Variants in ADAM18 observed in about 807,000 individuals in gnomAD.
ADAM18 encodes disintegrin and metalloproteinase domain-containing protein 18.
In ADAM18, 117 loss-of-function variants were observed where a neutral mutation model predicts 94.4. The observed-to-expected ratio is 1.24, with a 90% CI of 1.07 to 1.45. ADAM18 has a LOEUF of 1.45. Among genes scored for constraint, ADAM18 ranks in the 40% most tolerant of loss-of-function variants. The probability of loss-of-function intolerance (pLI) is 0.00; values close to 1 mark genes in which losing one functional copy is unlikely to be tolerated. For synonymous variants in ADAM18, 327 were observed against 291.6 expected (o/e 1.12, Z -1.24); for missense variants, 936 against 880.0 (o/e 1.06, Z -0.81).
intron 18 of ADAM18, among the ~76,000 whole-genome samples, chr8:39,711,121 A>C (rs762940058): frequency 6.6e-6 from 1 of 152,172 alleles, no homozygotes; most frequent in Non-Finnish European, 1.5e-5. Flanking sequence ...GTTTTCCAAA[A>C]AGTCACTGTC....
chr8:39,601,211 G>A (rs1327747233), intron 2 of ADAM18, among the ~76,000 whole-genome samples: 7 of 152,190 alleles, frequency 4.6e-5, no homozygotes, highest in Non-Finnish European at 8.8e-5. Context: ...TCCAACATTG[G>A]AGATTACAAT....
chr8:39,602,750 CT>C (rs1323695649), intron 2 of ADAM18, among the ~76,000 whole-genome samples: 1 of 141,664 alleles, frequency 7.1e-6, no homozygotes, highest in African/African-American at 3.1e-5. Context: ...CTGTCTATAG[CT>C]TTTTTTCATT....
chr8:39,651,818 A>G (rs1820547129), intron 12 of ADAM18, among the ~76,000 whole-genome samples: 1 of 152,180 alleles, frequency 6.6e-6, no homozygotes, highest in Non-Finnish European at 1.5e-5. Context: ...GAAAAGAGCA[A>G]AGTTGGAGGC....
chr8:39,636,042 G>GAGA (rs1563284736), intron 7 of ADAM18, among the ~76,000 whole-genome samples: 45 of 143,688 alleles, frequency 3.1e-4, no homozygotes, highest in African/African-American at 1.1e-3. Flanking sequence ...AGAGAGAGAG[G>GAGA]GGGCCTCACT....
chr8:39,723,669 A>C, intron 18 of ADAM18, 79 bp from the exon 19 acceptor site: 1 of 1,080,048 alleles, frequency 9.3e-7, no homozygotes, highest in Non-Finnish European at 1.2e-6. Flanking sequence ...ATATACACGT[A>C]TATGATTAAG....
At chr8:39,605,553 A>G (rs1204536256) in intron 2 of ADAM18, among the ~76,000 whole-genome samples, 1 of 152,052 alleles carries the variant, frequency 6.6e-6, no homozygotes, top group East Asian at 1.9e-4. Flanking sequence ...CTGGTTCGTT[A>G]TATTTTGTGT....
rs1819242103 is a variant in ADAM18 at position 39,610,562 on chromosome 8, A to G, written c.378A>G (p.Gly126=). Residue 126 remains glycine, a synonymous_variant, in exon 6 of 20, where the codon GGA becomes GGG. Transcript: ENST00000265707. ...GFLQFENISY[G]IEPVESSARF... is the part of the protein sequence containing the mutation. ...TCCAGTTTGAAAATATCAGTTATGG[A>G]ATTGAACCAGTAGAATCTTCAGCAA... The G allele has an allele frequency of 1.9e-6, 3 of 1,610,976 alleles. No homozygotes were observed. Among genetic ancestry groups the G allele is most frequent in the Non-Finnish European group, 2.5e-6 (3 of 1,178,196 alleles).
At chr8:39,662,367 T>C (rs1054105520) in intron 12 of ADAM18, among the ~76,000 whole-genome samples, 5 of 152,186 alleles carry the variant, frequency 3.3e-5, no homozygotes, top group African/African-American at 9.6e-5. Context: ...TTCTGCTCTA[T>C]ATTTTATATA....
chr8:39,604,957 A>G (rs1342419088), intron 2 of ADAM18, among the ~76,000 whole-genome samples: 1 of 152,008 alleles, frequency 6.6e-6, no homozygotes, highest in Non-Finnish European at 1.5e-5. Flanking sequence ...TGGAGTGGAG[A>G]TTGTGTCAGA....
intron 18 of ADAM18, among the ~76,000 whole-genome samples, chr8:39,717,440 C>G (rs2129581642): frequency 6.6e-6 from 1 of 151,708 alleles, no homozygotes; most frequent in African/African-American, 2.4e-5. Flanking sequence ...ATTTTTTATC[C>G]TGACATTTTG....
At chr8:39,615,673 A>G (rs1160509656) in intron 6 of ADAM18, among the ~76,000 whole-genome samples, 1 of 152,140 alleles carries the variant, frequency 6.6e-6, no homozygotes, top group Non-Finnish European at 1.5e-5. Flanking sequence ...GCCCACACTC[A>G]CCACTCCCAT....
chr8:39,594,795 T>G (rs1375192718), intron 2 of ADAM18, among the ~76,000 whole-genome samples: 7 of 11,650 alleles, frequency 6.0e-4, no homozygotes, highest in South Asian at 5.6e-3. Context: ...TGCTGTGAGT[T>G]TTTTTTTTTT....
intron 18 of ADAM18, among the ~76,000 whole-genome samples, chr8:39,709,410 A>T (rs1433658100): frequency 6.6e-6 from 1 of 152,152 alleles, no homozygotes; most frequent in Non-Finnish European, 1.5e-5. Context: ...TGGGGGTGGA[A>T]TAGGACCATG....
intron 16 of ADAM18, 119 bp downstream of exon 16, chr8:39,680,345 T>C (rs1306586555): frequency 1.0e-6 from 1 of 958,872 alleles, no homozygotes. Flanking sequence ...CTGGCATTTA[T>C]TTCCCATGTG....
chr8:39,677,310 A>G, intron 14 of ADAM18, 121 bp from the exon 15 acceptor site: 1 of 763,142 alleles, frequency 1.3e-6, no homozygotes, highest in East Asian at 2.9e-5. Flanking sequence ...GTATGCATAG[A>G]AACAAAAGCA....
chr8:39,595,667 G>A (rs1407009796), intron 2 of ADAM18, among the ~76,000 whole-genome samples: 2 of 151,854 alleles, frequency 1.3e-5, no homozygotes, highest in Non-Finnish European at 2.9e-5. Flanking sequence ...GATTAGAGGT[G>A]CACACCACCA....
At chr8:39,630,936 G>C (rs1262101717) in intron 7 of ADAM18, among the ~76,000 whole-genome samples, 1 of 151,954 alleles carries the variant, frequency 6.6e-6, no homozygotes, top group African/African-American at 2.4e-5. Flanking sequence ...TGGATATATA[G>C]TGATATCATA....
intron 12 of ADAM18, among the ~76,000 whole-genome samples, chr8:39,653,147 T>C (rs905637299): frequency 2.6e-5 from 4 of 151,954 alleles, no homozygotes; most frequent in Non-Finnish European, 5.9e-5. Context: ...AGAAAGTAGA[T>C]TTTAAGTGTT....
Position 39,584,684 on chromosome 8 carries a change from C to T in ADAM18, c.55+7C>T, listed in dbSNP as rs770932802. On this transcript the variant is annotated splice_region_variant and intron_variant, in intron 1 of 19. Transcript: ENST00000265707. ...AGACTGCAAGCCCACGAAGGTAAGT[C>T]CATGGGAGCCTCCCCTTTCTTCTTC... is the stretch of plus-strand genomic sequence containing the variant. 2 of 1,612,586 alleles carry T rather than the reference C, an allele frequency of 1.2e-6. No individual in the cohort carries two copies. The highest frequency in any genetic ancestry group is 4.5e-5 in the East Asian group (2 of 44,894).
Sources: allele counts gnomAD v4.1 joint callset (sites outside exome capture counted in the v4.1 genomes callset), GRCh38; gene constraint gnomAD v4.1.1; transcripts MANE v1.5; gene names NCBI Gene and HGNC (gene_info 2026-07-23, HGNC 2026-07-21).